Variants in KDM1A observed in about 807,000 individuals in gnomAD.
KDM1A encodes the protein lysine-specific histone demethylase 1A.
KDM1A carries 49 observed loss-of-function variants against 109.4 expected under a neutral mutation model. That is an observed-to-expected ratio of 0.45 (90% CI 0.36 to 0.57). KDM1A has a LOEUF of 0.57. Ranked by LOEUF, KDM1A falls within the 20% of genes least tolerant of loss-of-function variation. The probability of loss-of-function intolerance (pLI) is 0.00; values close to 1 mark genes in which losing one functional copy is unlikely to be tolerated. For synonymous variants in KDM1A, 380 were observed against 415.4 expected (o/e 0.91, Z 1.04); for missense variants, 668 against 1,116.6 (o/e 0.60, Z 5.73).
chr1:23,047,730 A>G (rs1382517722), intron 3 of KDM1A, among the ~76,000 whole-genome samples: 1 of 152,046 alleles, frequency 6.6e-6, no homozygotes, highest in East Asian at 1.9e-4. Context: ...GTGAAACCCC[A>G]TCTCTACAAA....
At chr1:23,025,963 C>T (rs926369202) in intron 1 of KDM1A, among the ~76,000 whole-genome samples, 4 of 152,008 alleles carry the variant, frequency 2.6e-5, no homozygotes, top group South Asian at 2.1e-4. Context: ...TGGTGGCATG[C>T]GCCTGTAGTC....
chr1:23,071,449 C>T lies in KDM1A; in HGVS notation c.1548+90C>T, dbSNP rs939828539. The T allele has an allele frequency of 6.2e-6, 8 of 1,286,006 alleles. No homozygotes were observed. The Admixed American group carries it at 7.6e-5, about 12-fold the overall frequency. 79.7% of individuals were successfully genotyped at this position (1,286,006 alleles called of 1,614,324 possible). On this transcript the variant is annotated intron_variant, in intron 13 of 20. Coordinates refer to ENST00000400181, the MANE Select transcript of KDM1A (RefSeq NM_001009999.3). Reference sequence around the variant, plus strand: ...GAATTTTGGAAAAGAGAGCCACTAGCCAATCACAAGTGCCTTCAGTGCAAT... The same window carrying T: ...GAATTTTGGAAAAGAGAGCCACTAGTCAATCACAAGTGCCTTCAGTGCAAT...
rs1557608709 is a variant in KDM1A, at chr1:23,083,438, A to T, written c.*74A>T. On this transcript the variant is annotated 3_prime_UTR_variant, in exon 21 of 21. Coordinates refer to ENST00000400181, the MANE Select transcript of KDM1A (RefSeq NM_001009999.3). Reference sequence around the variant, plus strand: ...TAAGGAAGGCTCTTCTAGCAATACTAGATCCCACTGAGAAAATCCACCCTG... The same window carrying T: ...TAAGGAAGGCTCTTCTAGCAATACTTGATCCCACTGAGAAAATCCACCCTG... The T allele has an allele frequency of 1.4e-6, 2 of 1,422,714 alleles. No individual in the cohort carries two copies. The highest frequency in any genetic ancestry group is 1.9e-6 in the Non-Finnish European group (2 of 1,061,268). 88.1% of individuals were successfully genotyped at this position (1,422,714 alleles called of 1,614,324 possible).
intron 10 of KDM1A, 131 bp from the exon 11 acceptor site, chr1:23,068,408 A>G (rs1477284470): frequency 7.6e-6 from 5 of 660,914 alleles, no homozygotes; most frequent in Admixed American, 3.8e-5. Context: ...GAAAATTTGA[A>G]TCATTGTGCT....
intron 3 of KDM1A, among the ~76,000 whole-genome samples, chr1:23,045,379 A>T (rs1642472862): frequency 6.6e-6 from 1 of 152,204 alleles, no homozygotes; most frequent in Non-Finnish European, 1.5e-5. Context: ...ACTCTCTTGA[A>T]CTAAAGGTAG....
At chr1:23,027,518 C>G (rs1284736339) in intron 1 of KDM1A, among the ~76,000 whole-genome samples, 2 of 146,082 alleles carry the variant, frequency 1.4e-5, no homozygotes, top group Admixed American at 6.8e-5. Flanking sequence ...CCCGCCCCCA[C>G]CAGGTTCAAG....
Position 23,019,629 on chromosome 1 carries a change from GGCGGCGGCT to G in KDM1A, c.36_44del (p.Ala16_Ala18del). On this transcript the variant is annotated inframe_deletion, in exon 1 of 21. Transcript: ENST00000400181. ...CTGGGAAGAAGGCGGCAGCCGCGGC[GGCGGCGGCT>G]GCAGCGGCAGCAACCGGGACGGAGG... 7.1e-7 allele frequency: 1 copy of G among 1,415,120 alleles called. No homozygotes were observed. Among genetic ancestry groups the G allele is most frequent in the Non-Finnish European group, 9.1e-7 (1 of 1,093,324 alleles). The allele number at this position is 1,415,120 out of a possible 1,614,324, so 87.7% of individuals were successfully genotyped here.
chr1:23,022,727 C>T (rs1480728725), intron 1 of KDM1A, among the ~76,000 whole-genome samples: 8 of 138,676 alleles, frequency 5.8e-5, no homozygotes, highest in East Asian at 2.2e-4. Context: ...GATGTGATCT[C>T]GGCTTACTAC....
chr1:23,034,278 T>C (rs1269190313), intron 2 of KDM1A, among the ~76,000 whole-genome samples: 2 of 152,252 alleles, frequency 1.3e-5, no homozygotes, highest in African/African-American at 2.4e-5. Context: ...TGGTTTTATT[T>C]GGTTTCCTAG....
intron 7 of KDM1A, 34 bp from the exon 8 acceptor site, chr1:23,057,450 A>C: frequency 6.4e-7 from 1 of 1,552,428 alleles, no homozygotes; most frequent in Non-Finnish European, 8.9e-7. Context: ...TTAAAACAGA[A>C]TTGATGATTT....
chr1:23,041,073 A>G (rs1292597306), intron 2 of KDM1A, among the ~76,000 whole-genome samples: 1 of 152,212 alleles, frequency 6.6e-6, no homozygotes, highest in African/African-American at 2.4e-5. Context: ...GGGATTTTAT[A>G]TATATCATAA....
intron 1 of KDM1A, among the ~76,000 whole-genome samples, chr1:23,027,413 CTT>C (rs34416518): frequency 4.0e-4 from 46 of 115,276 alleles, no homozygotes; most frequent in Admixed American, 7.0e-4. Context: ...GTTTTGTTTG[CTT>C]TTTTTTTTTT....
chr1:23,052,269 T>A (rs992045832), intron 4 of KDM1A, among the ~76,000 whole-genome samples: 12 of 152,196 alleles, frequency 7.9e-5, no homozygotes, highest in African/African-American at 2.9e-4. Flanking sequence ...ACTATAATAC[T>A]TTAAAACTGC....
At chr1:23,046,761 G>A (rs938545076) in intron 3 of KDM1A, among the ~76,000 whole-genome samples, 53 of 152,322 alleles carry the variant, frequency 3.5e-4, no homozygotes, top group African/African-American at 1.2e-3. Flanking sequence ...TTCTGCTTTA[G>A]AGTGACTGCA....
chr1:23,066,021 T>C, intron 9 of KDM1A, 39 bp from the exon 10 acceptor site: 1 of 1,606,630 alleles, frequency 6.2e-7, no homozygotes, highest in Non-Finnish European at 8.5e-7. Flanking sequence ...TGGGCTGTTA[T>C]TTACAGTTTA....
intron 3 of KDM1A, among the ~76,000 whole-genome samples, chr1:23,050,061 G>A (rs1642620956): frequency 6.6e-6 from 1 of 152,042 alleles, no homozygotes; most frequent in Admixed American, 6.5e-5. Flanking sequence ...CTTTATTCTG[G>A]TTCTTTAGTT....
intron 2 of KDM1A, among the ~76,000 whole-genome samples, chr1:23,035,882 G>A (rs559345607): frequency 6.6e-6 from 1 of 152,208 alleles, no homozygotes; most frequent in Admixed American, 6.5e-5. Flanking sequence ...TCAGAAAAGA[G>A]TTGAAGATTG....
In KDM1A at chr1:23,079,877, G is replaced by A. The variant is rs938295693; in HGVS notation, c.2170+210G>A. ...GGGGATACAGTAAGCGGGGAAGCAG[G>A]CTTAGAACAGGGCAGTAGGTGGCCT... On this transcript the variant is annotated intron_variant, in intron 18 of 20. Coordinates refer to ENST00000400181, the MANE Select transcript of KDM1A (RefSeq NM_001009999.3). This position sits in a 1 kb window ranked among gnomAD's most constrained non-coding sequence, Gnocchi z 5.6. Among the ~76,000 whole-genome samples the A allele has an allele frequency of 5.9e-5, 9 of 152,182 alleles. No individual in the cohort carries two copies. Among genetic ancestry groups the A allele is most frequent in the African/African-American group, 2.2e-4 (9 of 41,434 alleles).
intron 15 of KDM1A, among the ~76,000 whole-genome samples, chr1:23,074,775 A>C (rs1203697732): frequency 6.6e-6 from 1 of 152,162 alleles, no homozygotes; most frequent in Non-Finnish European, 1.5e-5. Context: ...CCATATAGTT[A>C]TGTAATTATT....
Sources: gnomAD v4.1 joint callset for allele counts (sites outside exome capture counted in the v4.1 genomes callset) on GRCh38, gnomAD v4.1.1 for gene constraint, Gnocchi (gnomAD v3.1) non-coding constraint, MANE v1.5 for transcripts, NCBI Gene and HGNC (gene_info 2026-07-23, HGNC 2026-07-21) for gene names.